The following DLEU7 variants were observed in gnomAD, a reference collection of about 807,000 sequenced individuals.
DLEU7 encodes the protein deleted in lymphocytic leukemia 7, also known as leukemia-associated protein 7.
Under a neutral mutation model 16.0 loss-of-function variants are expected in DLEU7, and 17 were observed. The ratio of observed to expected loss-of-function variants is 1.06; its 90% CI spans 0.73 to 1.59. DLEU7 has a LOEUF of 1.59. Ranked by LOEUF, DLEU7 falls within the 40% of genes most tolerant of loss-of-function variation. The pLI is 0.00. For synonymous variants in DLEU7, 113 were observed against 139.8 expected, an observed-to-expected ratio of 0.81 and a Z score of 1.35; for missense variants, 308 against 314.9, an observed-to-expected ratio of 0.98 and a Z score of 0.17.
intron 1 of DLEU7, among the ~76,000 whole-genome samples, chr13:50,792,736 A>G (rs976785824): frequency 6.8e-6 from 1 of 146,818 alleles, no homozygotes; most frequent in African/African-American, 2.5e-5. Context: ...CCGCACTCAA[A>G]TATCACCTCC....
chr13:50,718,515 TGGAGACCC>T (rs1207051516), intron 1 of DLEU7, among the ~76,000 whole-genome samples: 3 of 152,190 alleles, frequency 2.0e-5, no homozygotes, highest in Non-Finnish European at 4.4e-5. Flanking sequence ...ACCAACAGAA[TGGAGACCC>T]AAACTAGGAC....
At chr13:50,746,276 C>A (rs1471435440) in intron 1 of DLEU7, among the ~76,000 whole-genome samples, 1 of 152,138 alleles carries the variant, frequency 6.6e-6, no homozygotes, top group East Asian at 1.9e-4. Context: ...TCCATTAACT[C>A]TTTTGATTCT....
At chr13:50,730,159 A>AGGC (rs1270661741) in intron 1 of DLEU7, among the ~76,000 whole-genome samples, 3 of 151,864 alleles carry the variant, frequency 2.0e-5, no homozygotes, top group East Asian at 1.9e-4. Context: ...GCGGAGGAGG[A>AGGC]GGCAGAGGAG....
chr13:50,741,065 G>A (rs1224958746), intron 1 of DLEU7, among the ~76,000 whole-genome samples: 2 of 152,188 alleles, frequency 1.3e-5, no homozygotes, highest in African/African-American at 4.8e-5. Context: ...CCAAGCTGAG[G>A]TATAGCTGAA....
intron 1 of DLEU7, among the ~76,000 whole-genome samples, chr13:50,718,874 T>C (rs1430224760): frequency 6.6e-6 from 1 of 152,190 alleles, no homozygotes; most frequent in Admixed American, 6.5e-5. Context: ...AGAACAAGAA[T>C]CCTTTGCTAA....
intron 1 of DLEU7, among the ~76,000 whole-genome samples, chr13:50,727,594 A>C (rs192115150): frequency 1.4e-3 from 213 of 152,192 alleles, no homozygotes; most frequent in Middle Eastern, 6.8e-3. Context: ...CTCTCATGAG[A>C]AGCTACATCC....
rs58395582 is a variant in DLEU7, at chr13:50,732,606, C to CAAA, written c.460-19369_460-19367dup. ...CAGGCAACAGTATGAGACTCCATCT[C>CAAA]AAAAAAAAAAAAAAAAAAAAGCTTA... is the stretch of plus-strand genomic sequence containing the variant. On this transcript the variant is annotated intron_variant, in intron 1 of 1. Transcript: ENST00000400393. 6.7e-4 allele frequency among the ~76,000 whole-genome samples: 44 copies of CAAA among 65,800 alleles called. 1 individual carries two copies. Among genetic ancestry groups the CAAA allele is most frequent in the East Asian group, 1.8e-3 (3 of 1,714 alleles). 43.2% of individuals were successfully genotyped at this position (65,800 alleles called of 152,430 possible). A position where few individuals can be genotyped will look rare whatever the true frequency, so the allele number is the denominator to read the frequency against.
At position 50,807,624 on chromosome 13, in the gene DLEU7, A is replaced by C. The variant is rs550644630; in HGVS notation, c.459+35564T>G. Among the ~76,000 whole-genome samples, 4 of 152,260 alleles carry C rather than the reference A, an allele frequency of 2.6e-5. No individual in the cohort carries two copies. In the South Asian group the frequency reaches 8.3e-4, roughly 32 times the overall value. On this transcript the variant is annotated intron_variant, in intron 1 of 1. Transcript: ENST00000400393. Reference sequence around the variant, plus strand: ...TTAATGGACATTTCAAGAACTTTGAAAGGCTATTGTAAGGGGAAGAAAGAG... The same window carrying C: ...TTAATGGACATTTCAAGAACTTTGACAGGCTATTGTAAGGGGAAGAAAGAG...
intron 1 of DLEU7, among the ~76,000 whole-genome samples, chr13:50,766,453 T>C (rs1192016459): frequency 6.8e-6 from 1 of 146,678 alleles, no homozygotes; most frequent in Non-Finnish European, 1.5e-5. Flanking sequence ...GAATAAATGG[T>C]CTCTTTCCTT....
chr13:50,725,347 C>T (rs2137710924), intron 1 of DLEU7, among the ~76,000 whole-genome samples: 1 of 152,222 alleles, frequency 6.6e-6, no homozygotes, highest in East Asian at 1.9e-4. Context: ...TAGTGATGTG[C>T]ACTTGTGCAC....
chr13:50,768,244 T>C (rs1439882389), intron 1 of DLEU7, among the ~76,000 whole-genome samples: 1 of 152,200 alleles, frequency 6.6e-6, no homozygotes, highest in East Asian at 1.9e-4. Flanking sequence ...ATATATTTGC[T>C]CTATATAGAA....
chr13:50,754,905 ATTTG>A (rs1162276968), intron 1 of DLEU7, among the ~76,000 whole-genome samples: 2 of 152,158 alleles, frequency 1.3e-5, no homozygotes, highest in African/African-American at 2.4e-5. Context: ...TTCTCTCAGC[ATTTG>A]TTTGTCTGAA....
chr13:50,732,606 CA>C (rs58395582), intron 1 of DLEU7, among the ~76,000 whole-genome samples: 43 of 65,934 alleles, frequency 6.5e-4, no homozygotes, highest in East Asian at 1.2e-3. Flanking sequence ...GACTCCATCT[CA>C]AAAAAAAAAA....
chr13:50,841,879 C>T (rs1007837375), intron 1 of DLEU7, among the ~76,000 whole-genome samples: 3 of 151,898 alleles, frequency 2.0e-5, no homozygotes, highest in Non-Finnish European at 4.4e-5. Context: ...TGGTGAAATG[C>T]AGCTTCATTT....
chr13:50,731,817 TG>T (rs1311282658), intron 1 of DLEU7, among the ~76,000 whole-genome samples: 1 of 152,202 alleles, frequency 6.6e-6, no homozygotes, highest in Non-Finnish European at 1.5e-5. Context: ...ACAAAGCCAA[TG>T]CCTATTTTTT....
intron 1 of DLEU7, among the ~76,000 whole-genome samples, chr13:50,804,754 A>C (rs568019707): frequency 8.7e-4 from 132 of 152,164 alleles, no homozygotes; most frequent in African/African-American, 3.1e-3. Flanking sequence ...CCAGTTAAAG[A>C]TTTTACATAG....
rs58395582 is a variant in DLEU7 at position 50,732,606 on chromosome 13, C to CAAAAAAAAAAAAA, written c.460-19379_460-19367dup. Among the ~76,000 whole-genome samples, 173 of 65,926 alleles carry CAAAAAAAAAAAAA rather than the reference C, an allele frequency of 2.6e-3. 15 individuals carry two copies. The highest frequency in any genetic ancestry group is 3.2e-3 in the Non-Finnish European group (122 of 38,534). 43.3% of individuals were successfully genotyped at this position (65,926 alleles called of 152,430 possible). A position where few individuals can be genotyped will look rare whatever the true frequency, so the allele number is the denominator to read the frequency against. ...CAGGCAACAGTATGAGACTCCATCT[C>CAAAAAAAAAAAAA]AAAAAAAAAAAAAAAAAAAAGCTTA... is the stretch of plus-strand genomic sequence containing the variant. On this transcript the variant is annotated intron_variant, in intron 1 of 1. Transcript: ENST00000400393.
intron 1 of DLEU7, among the ~76,000 whole-genome samples, chr13:50,736,980 G>A (rs1874088469): frequency 6.6e-6 from 1 of 152,086 alleles, no homozygotes; most frequent in Non-Finnish European, 1.5e-5. Flanking sequence ...AATCTGAATA[G>A]CGCAATATCA....
At chr13:50,813,338 G>A (rs1876625305) in intron 1 of DLEU7, among the ~76,000 whole-genome samples, 1 of 152,016 alleles carries the variant, frequency 6.6e-6, no homozygotes, top group South Asian at 2.1e-4. Flanking sequence ...AACTGATAGA[G>A]GTCTTTGCTT....
Sources: allele counts gnomAD v4.1 joint callset (sites outside exome capture counted in the v4.1 genomes callset), GRCh38; gene constraint gnomAD v4.1.1; transcripts MANE v1.5; gene names NCBI Gene and HGNC (gene_info 2026-07-23, HGNC 2026-07-21).